FRYL: variants seen among roughly 807,000 people sequenced by gnomAD.
FRYL encodes FRY like transcription coactivator, also known as protein furry homolog-like.
FRYL carries 150 observed loss-of-function variants against 351.2 expected under a neutral mutation model. The observed-to-expected ratio is 0.43, with a 90% CI of 0.37 to 0.49. The LOEUF is 0.49. Ranked by LOEUF, FRYL falls within the 20% of genes least tolerant of loss-of-function variation. FRYL has a pLI of 0.00. For missense variants in FRYL, 3,036 were observed against 3,619.3 expected, an observed-to-expected ratio of 0.84 and a Z score of 4.13; for synonymous variants, 1,153 against 1,257.1, an observed-to-expected ratio of 0.92 and a Z score of 1.75.
At chr4:48,596,714 C>T (rs1384547758) in intron 13 of FRYL, among the ~76,000 whole-genome samples, 4 of 152,046 alleles carry the variant, frequency 2.6e-5, no homozygotes, top group Non-Finnish European at 4.4e-5. Context: ...AGAATAAGGA[C>T]ATTATTTAAA....
intron 1 of FRYL, among the ~76,000 whole-genome samples, chr4:48,729,486 G>C (rs1013680361): frequency 1.1e-4 from 16 of 152,108 alleles, no homozygotes; most frequent in African/African-American, 3.6e-4. Context: ...CTCTCAGTAG[G>C]GACTGACAGA....
chr4:48,693,420 G>T (rs1215456588), intron 2 of FRYL, among the ~76,000 whole-genome samples: 1 of 152,078 alleles, frequency 6.6e-6, no homozygotes, highest in Non-Finnish European at 1.5e-5. Context: ...AAGAGGGTGG[G>T]TAACAATGGT....
At chr4:48,544,635 T>C (rs1261678475) in intron 43 of FRYL, 148 bp downstream of exon 43, 3 of 567,848 alleles carry the variant, frequency 5.3e-6, no homozygotes, top group East Asian at 6.8e-5. Context: ...TTTTCTTCAG[T>C]GAAAACAGAT....
intron 3 of FRYL, among the ~76,000 whole-genome samples, chr4:48,652,553 C>T (rs1350861177): frequency 2.0e-5 from 3 of 152,168 alleles, no homozygotes; most frequent in South Asian, 2.1e-4. Flanking sequence ...TCTGGCACAA[C>T]AGTATCTCCA....
Position 48,515,087 on chromosome 4 carries a change from A to G in FRYL, c.7878T>C (p.Ala2626=). ...CACATCTTTCATCTAGCTCTTTCAG[A>G]GCTAAGGTAACATCCTCTTCACAGA... ...ESVCEEDVTL[A]LKELDERCEE... is the part of the protein sequence containing the mutation. Residue 2626 remains alanine, a synonymous_variant, in exon 56 of 64, where the codon GCT becomes GCC. Transcript: ENST00000358350. The G allele has an allele frequency of 1.2e-6, 2 of 1,613,892 alleles. No homozygotes were observed. The highest frequency in any genetic ancestry group is 1.7e-6 in the Non-Finnish European group (2 of 1,179,820).
At chr4:48,644,439 A>G (rs1165766991) in intron 3 of FRYL, among the ~76,000 whole-genome samples, 5 of 151,702 alleles carry the variant, frequency 3.3e-5, no homozygotes, top group Admixed American at 3.3e-4. Flanking sequence ...ATTATATCAG[A>G]ACATAATATA....
chr4:48,727,882 C>T (rs1770258568), intron 1 of FRYL, among the ~76,000 whole-genome samples: 1 of 152,044 alleles, frequency 6.6e-6, no homozygotes, highest in African/African-American at 2.4e-5. Context: ...CAGGAAATAC[C>T]CAACTCTAGC....
At chr4:48,511,829 A>G (rs911685570) in intron 57 of FRYL, among the ~76,000 whole-genome samples, 1 of 152,118 alleles carries the variant, frequency 6.6e-6, no homozygotes, top group Non-Finnish European at 1.5e-5. Context: ...AAAATTTGGG[A>G]GGAGAAAAGG....
At chr4:48,716,295 A>C (rs1768819072) in intron 1 of FRYL, among the ~76,000 whole-genome samples, 1 of 151,390 alleles carries the variant, frequency 6.6e-6, no homozygotes, top group Admixed American at 6.6e-5. Flanking sequence ...TAAACTAAAG[A>C]GCTTCTGCAC....
chr4:48,528,504 T>C (rs1726782298), intron 50 of FRYL, among the ~76,000 whole-genome samples, 168 bp from the exon 51 acceptor site: 1 of 152,120 alleles, frequency 6.6e-6, no homozygotes, highest in Admixed American at 6.6e-5. Flanking sequence ...TAATGATATA[T>C]ATATATTTTT....
intron 61 of FRYL, among the ~76,000 whole-genome samples, chr4:48,502,545 C>CAAA (rs57308308): frequency 2.7e-5 from 3 of 111,200 alleles, no homozygotes; most frequent in Non-Finnish European, 5.9e-5. Flanking sequence ...GACTCCATCT[C>CAAA]AAAAAAAAAA....
chr4:48,512,767 G>T, intron 56 of FRYL, 79 bp from the exon 57 acceptor site: 1 of 996,244 alleles, frequency 1.0e-6, no homozygotes, highest in Non-Finnish European at 1.5e-6. Flanking sequence ...GACAGCTTAA[G>T]TCATTTGACA....
intron 1 of FRYL, among the ~76,000 whole-genome samples, chr4:48,722,074 A>C (rs1356994901): frequency 1.3e-5 from 2 of 152,192 alleles, no homozygotes; most frequent in African/African-American, 4.8e-5. Context: ...CTTGGTCTCC[A>C]GTGAGCCCAA....
intron 1 of FRYL, among the ~76,000 whole-genome samples, chr4:48,726,203 T>A (rs1281509569): frequency 6.6e-6 from 1 of 152,162 alleles, no homozygotes; most frequent in Admixed American, 6.5e-5. Flanking sequence ...ACAAGACACT[T>A]TCAAGAAAAC....
intron 19 of FRYL, among the ~76,000 whole-genome samples, chr4:48,585,802 T>C (rs552853103): frequency 6.6e-6 from 1 of 152,372 alleles, no homozygotes; most frequent in Non-Finnish European, 1.5e-5. Flanking sequence ...TCTATCACCA[T>C]AAATACTTGT....
chr4:48,585,941 A>C (rs1480354521), intron 19 of FRYL, among the ~76,000 whole-genome samples: 3 of 152,224 alleles, frequency 2.0e-5, no homozygotes, highest in African/African-American at 7.2e-5. Context: ...CTAACTGTAT[A>C]ATTGGACCCA....
At chr4:48,548,003 G>A (rs1177927664) in intron 40 of FRYL, among the ~76,000 whole-genome samples, 2 of 151,856 alleles carry the variant, frequency 1.3e-5, no homozygotes, top group Non-Finnish European at 2.9e-5. Flanking sequence ...AAAATTTAGT[G>A]ATCTCTTAAA....
intron 29 of FRYL, 91 bp from the exon 30 acceptor site, chr4:48,565,134 C>A: frequency 1.6e-6 from 1 of 621,166 alleles, no homozygotes; most frequent in South Asian, 2.8e-5. Flanking sequence ...CTTATCTAGT[C>A]ACAATACTTT....
At chr4:48,619,124 C>T (rs1273353398) in intron 7 of FRYL, 150 bp downstream of exon 7, 5 of 597,834 alleles carry the variant, frequency 8.4e-6, no homozygotes, top group Non-Finnish European at 1.5e-5. Flanking sequence ...CAGGAAAGCC[C>T]CAGGCAACTG....
Sources: gnomAD v4.1 joint callset for allele counts (sites outside exome capture counted in the v4.1 genomes callset) on GRCh38, gnomAD v4.1.1 for gene constraint, MANE v1.5 for transcripts, NCBI Gene and HGNC (gene_info 2026-07-23, HGNC 2026-07-21) for gene names.